The following BST1 variants were observed in gnomAD, a reference collection of about 807,000 sequenced individuals.
The protein encoded by BST1 is ADP-ribosyl cyclase/cyclic ADP-ribose hydrolase 2.
In BST1, 49 loss-of-function variants were observed where a neutral mutation model predicts 40.6. The ratio of observed to expected loss-of-function variants is 1.21; its 90% CI spans 0.96 to 1.53. BST1 has a LOEUF of 1.53. BST1 is among the 40% of genes most tolerant of loss of function. BST1 has a pLI of 0.00. For missense variants in BST1, 423 were observed against 395.9 expected, an observed-to-expected ratio of 1.07 and a Z score of -0.58; for synonymous variants, 157 against 159.3, an observed-to-expected ratio of 0.99 and a Z score of 0.11.
At chr4:15,739,649 C>T (rs1721690158), downstream of BST1, among the ~76,000 whole-genome samples, 1 of 151,538 alleles carries the variant, frequency 6.6e-6, no homozygotes, top group Non-Finnish European at 1.5e-5. Context: ...GCCAGCTGCA[C>T]CTTCATGACT....
downstream of BST1, among the ~76,000 whole-genome samples, chr4:15,736,610 CAAA>C (rs111663075): frequency 3.1e-3 from 397 of 128,320 alleles, 6 homozygotes; most frequent in African/African-American, 0.011. Flanking sequence ...ACTCTGTCTC[CAAA>C]AAAAAAAAAA....
At chr4:15,739,485 C>A (rs1056944405), downstream of BST1, among the ~76,000 whole-genome samples, 3 of 151,784 alleles carry the variant, frequency 2.0e-5, no homozygotes, top group Non-Finnish European at 4.4e-5. Flanking sequence ...GGGTAGCTGT[C>A]AGAATTACCC....
Position 15,719,569 on chromosome 4 carries a change from C to T in BST1, c.791+576C>T, listed in dbSNP as rs139565236. Among the ~76,000 whole-genome samples the T allele has an allele frequency of 3.9e-5, 6 of 152,220 alleles. No homozygotes were observed. In the East Asian group the frequency reaches 1.2e-3, roughly 29 times the overall value. ...GTTGCAAGCCATCTCTGGACTCAAA[C>T]GCCTGCCTCTGGCTCTCTCTGCCCC... On this transcript the variant is annotated intron_variant, in intron 7 of 8. Transcript: ENST00000265016.
chr4:15,750,751 G>A, the BST1 span, among the ~76,000 whole-genome samples: 1 of 152,154 alleles, frequency 6.6e-6, no homozygotes, highest in African/African-American at 2.4e-5. Flanking sequence ...GATCATGCTT[G>A]TTTTGCATAT....
chr4:15,744,304 C>T, the BST1 span, among the ~76,000 whole-genome samples: 1 of 152,054 alleles, frequency 6.6e-6, no homozygotes, highest in Non-Finnish European at 1.5e-5. Context: ...CTCAGGGTCC[C>T]ACGTGGTTGG....
At chr4:15,738,876 T>A (rs939689215), downstream of BST1, among the ~76,000 whole-genome samples, 8 of 152,220 alleles carry the variant, frequency 5.3e-5, no homozygotes, top group Non-Finnish European at 5.9e-5. Context: ...TGAGAAGTAA[T>A]CCCAGTTCCA....
intron 7 of BST1, among the ~76,000 whole-genome samples, chr4:15,721,402 G>C (rs1246648537): frequency 6.6e-6 from 1 of 152,064 alleles, no homozygotes; most frequent in African/African-American, 2.4e-5. Flanking sequence ...CTGTTTTTGG[G>C]CATAAACAAT....
the BST1 span, chr4:15,743,492 G>T: frequency 3.7e-6 from 1 of 270,974 alleles, no homozygotes; most frequent in South Asian, 3.9e-5. Flanking sequence ...AAAAATTAAA[G>T]AACTAAAACA....
downstream of BST1, among the ~76,000 whole-genome samples, chr4:15,735,725 G>A (rs4698412): frequency 0.43 from 66,054 of 152,084 alleles, 16,638 homozygotes; most frequent in Middle Eastern, 0.6. Context: ...GCCAAGGGGC[G>A]TCTCTTAGAC....
chr4:15,739,732 A>G (rs945869947), downstream of BST1, among the ~76,000 whole-genome samples: 2 of 152,200 alleles, frequency 1.3e-5, no homozygotes, highest in African/African-American at 4.8e-5. Flanking sequence ...ACATACAGTG[A>G]CAAGCTCTCA....
the BST1 span, among the ~76,000 whole-genome samples, chr4:15,746,350 C>T: frequency 6.6e-6 from 1 of 152,204 alleles, no homozygotes; most frequent in Non-Finnish European, 1.5e-5. Context: ...AGTTTATTTC[C>T]TGCTCCTATA....
At chr4:15,771,277 A>G in the BST1 span, among the ~76,000 whole-genome samples, 1 of 152,336 alleles carries the variant, frequency 6.6e-6, no homozygotes, top group East Asian at 1.9e-4. Flanking sequence ...CAGATGAGAA[A>G]ATAGAAATTA....
downstream of BST1, among the ~76,000 whole-genome samples, chr4:15,741,196 C>T (rs111390589): frequency 0.027 from 4,159 of 152,122 alleles, 171 homozygotes; most frequent in African/African-American, 0.095. Flanking sequence ...GATCAGCTGT[C>T]ATTATGTAAC....
chr4:15,707,326 G>T (rs1182174071), intron 2 of BST1, among the ~76,000 whole-genome samples, 185 bp from the exon 3 acceptor site: 1 of 152,156 alleles, frequency 6.6e-6, no homozygotes, highest in Admixed American at 6.5e-5. Flanking sequence ...GGGAATAAAG[G>T]GAGGAGAGAT....
intron 7 of BST1, among the ~76,000 whole-genome samples, chr4:15,721,902 C>T (rs1031166180): frequency 2.0e-5 from 3 of 152,158 alleles, no homozygotes; most frequent in Non-Finnish European, 2.9e-5. Flanking sequence ...AACAATATCA[C>T]GTTCCTGTTC....
the BST1 span, among the ~76,000 whole-genome samples, chr4:15,761,938 G>A: frequency 6.6e-6 from 1 of 151,760 alleles, no homozygotes; most frequent in Non-Finnish European, 1.5e-5. Flanking sequence ...GGTGGCTCAT[G>A]CCTGTAATCC....
chr4:15,711,740 G>A, intron 3 of BST1, 67 bp from the exon 4 acceptor site: 1 of 1,277,818 alleles, frequency 7.8e-7, no homozygotes, highest in South Asian at 1.2e-5. Context: ...GGGATATATT[G>A]TAAGTTAATT....
chr4:15,764,770 A>G, the BST1 span, among the ~76,000 whole-genome samples: 2 of 151,782 alleles, frequency 1.3e-5, 1 homozygote, highest in African/African-American at 4.9e-5. Flanking sequence ...CACAGACCCA[A>G]TCTAATTGGA....
At chr4:15,755,279 C>T in the BST1 span, among the ~76,000 whole-genome samples, 2 of 152,124 alleles carry the variant, frequency 1.3e-5, no homozygotes, top group African/African-American at 4.8e-5. Flanking sequence ...GCTGGGATTA[C>T]AGGTGTGCAC....
Sources: allele counts gnomAD v4.1 joint callset (sites outside exome capture counted in the v4.1 genomes callset), GRCh38; gene constraint gnomAD v4.1.1; transcripts MANE v1.5; gene names NCBI Gene and HGNC (gene_info 2026-07-23, HGNC 2026-07-21).